The following PKHD1 variants were observed in gnomAD, a reference collection of about 807,000 sequenced individuals.
PKHD1 encodes PKHD1 ciliary IPT domain containing fibrocystin/polyductin, also known as fibrocystin.
In PKHD1, 291 loss-of-function variants were observed where a neutral mutation model predicts 412.0. The observed-to-expected ratio is 0.71, with a 90% CI of 0.64 to 0.78. PKHD1 has a LOEUF of 0.78. Ranked by LOEUF, PKHD1 falls within the 30% of genes least tolerant of loss-of-function variation. The probability of loss-of-function intolerance (pLI) is 0.00; values close to 1 mark genes in which losing one functional copy is unlikely to be tolerated. For synonymous variants in PKHD1, 1,777 were observed against 1,821.5 expected (o/e 0.98, Z 0.62); for missense variants, 4,825 against 4,950.7 (o/e 0.97, Z 0.76).
chr6:51,872,724 A>G (rs921012044), intron 46 of PKHD1, among the ~76,000 whole-genome samples: 3 of 152,112 alleles, frequency 2.0e-5, no homozygotes, highest in Middle Eastern at 3.2e-3. Context: ...AAAACTATTC[A>G]GCCTCAAGAC....
chr6:51,989,976 GAAGGA>G (rs1796830015), intron 35 of PKHD1, among the ~76,000 whole-genome samples: 1 of 144,236 alleles, frequency 6.9e-6, no homozygotes, highest in African/African-American at 2.6e-5. Context: ...AGGAAGGAAG[GAAGGA>G]AGGGAGAGAT....
At chr6:51,858,700 A>C (rs1367159599) in intron 48 of PKHD1, among the ~76,000 whole-genome samples, 1 of 152,206 alleles carries the variant, frequency 6.6e-6, no homozygotes, top group Non-Finnish European at 1.5e-5. Context: ...TTAATGATTG[A>C]CCATAAGAAA....
chr6:51,796,915 T>C (rs1288264937), intron 52 of PKHD1, among the ~76,000 whole-genome samples: 2 of 150,480 alleles, frequency 1.3e-5, no homozygotes, highest in Non-Finnish European at 2.9e-5. Context: ...TGGATTCAAA[T>C]GGATTCCCTT....
chr6:51,759,062 C>A (rs1787547008), intron 55 of PKHD1, among the ~76,000 whole-genome samples: 2 of 152,084 alleles, frequency 1.3e-5, no homozygotes, highest in African/African-American at 2.4e-5. Context: ...CTGAACTCTA[C>A]TAATATTTAG....
At chr6:52,017,666 A>G (rs762484777) in intron 33 of PKHD1, 37 bp from the exon 34 acceptor site, 2 of 1,482,794 alleles carry the variant, frequency 1.3e-6, no homozygotes, top group Non-Finnish European at 1.9e-6. Flanking sequence ...AGAACCACAG[A>G]GAGAACCTAA....
At chr6:51,899,494 T>G (rs1391364717) in intron 43 of PKHD1, among the ~76,000 whole-genome samples, 26 of 151,740 alleles carry the variant, frequency 1.7e-4, no homozygotes, top group Admixed American at 1.7e-3. Context: ...TCTCAATAAA[T>G]TAGGTATTGA....
intron 60 of PKHD1, among the ~76,000 whole-genome samples, chr6:51,730,007 T>C (rs773668989): frequency 6.6e-6 from 1 of 152,188 alleles, no homozygotes; most frequent in Non-Finnish European, 1.5e-5. Context: ...TGAGAAAACT[T>C]TGGCTTTTTG....
intron 66 of PKHD1, among the ~76,000 whole-genome samples, chr6:51,626,126 A>C (rs1177036375): frequency 1.3e-5 from 2 of 152,120 alleles, no homozygotes; most frequent in Non-Finnish European, 2.9e-5. Flanking sequence ...ACACACACAC[A>C]CCCACATAAA....
At chr6:51,643,951 T>TA (rs1168736137) in intron 63 of PKHD1, among the ~76,000 whole-genome samples, 1 of 151,636 alleles carries the variant, frequency 6.6e-6, no homozygotes, top group Non-Finnish European at 1.5e-5. Flanking sequence ...TTAGATGGGT[T>TA]AAAAAAAATA....
chr6:51,821,746 G>T (rs559651528), intron 52 of PKHD1, among the ~76,000 whole-genome samples: 33 of 152,138 alleles, frequency 2.2e-4, no homozygotes, highest in African/African-American at 2.4e-5. Flanking sequence ...ACGGAGTCTC[G>T]CTCTGTCACC....
intron 52 of PKHD1, among the ~76,000 whole-genome samples, chr6:51,798,062 G>A (rs1048486425): frequency 8.5e-5 from 13 of 152,080 alleles, no homozygotes; most frequent in African/African-American, 2.9e-4. Flanking sequence ...CAGTTATGAA[G>A]CTTAGTTTGT....
chr6:52,052,994 T>A, intron 21 of PKHD1, 82 bp downstream of exon 21: 2 of 1,313,860 alleles, frequency 1.5e-6, no homozygotes, highest in Non-Finnish European at 2.2e-6. Flanking sequence ...CTCTCCTCAT[T>A]AAAAAAAACA....
chr6:51,900,368 A>G (rs1277529224), intron 43 of PKHD1, among the ~76,000 whole-genome samples: 5 of 152,324 alleles, frequency 3.3e-5, no homozygotes, highest in East Asian at 3.9e-4. Flanking sequence ...ATAACGCTGC[A>G]TATCTACAAC....
At chr6:51,908,260 A>G (rs1782431060) in intron 40 of PKHD1, among the ~76,000 whole-genome samples, 1 of 152,024 alleles carries the variant, frequency 6.6e-6, no homozygotes, top group African/African-American at 2.4e-5. Context: ...AATGAAGGAA[A>G]ATGTTGCTTC....
intron 37 of PKHD1, among the ~76,000 whole-genome samples, chr6:51,931,889 G>A (rs1056432190): frequency 6.7e-6 from 1 of 150,002 alleles, no homozygotes; most frequent in Admixed American, 6.6e-5. Context: ...GAGGAAAAAG[G>A]GGAGAGAGAG....
intron 13 of PKHD1, 128 bp from the exon 14 acceptor site, chr6:52,062,788 C>A: frequency 9.3e-7 from 1 of 1,074,098 alleles, no homozygotes; most frequent in Non-Finnish European, 1.4e-6. Context: ...AACCTAGAGC[C>A]AGATAGAGTA....
chr6:51,970,231 T>C (rs1793466039), intron 35 of PKHD1, among the ~76,000 whole-genome samples: 1 of 152,230 alleles, frequency 6.6e-6, no homozygotes, highest in Non-Finnish European at 1.5e-5. Flanking sequence ...GCCATTTCTG[T>C]GTCTTCCTCT....
chr6:51,882,304 G>T (rs1777499769), intron 46 of PKHD1, among the ~76,000 whole-genome samples: 1 of 152,156 alleles, frequency 6.6e-6, no homozygotes, highest in South Asian at 2.1e-4. Flanking sequence ...GTTCAAAGGA[G>T]ATTTTACTAA....
At chr6:51,690,784 G>C (rs762048252) in intron 60 of PKHD1, among the ~76,000 whole-genome samples, 1 of 152,070 alleles carries the variant, frequency 6.6e-6, no homozygotes, top group African/African-American at 2.4e-5. Flanking sequence ...GACACCAAAA[G>C]CAATTGCAAC....
Sources: allele counts gnomAD v4.1 joint callset (sites outside exome capture counted in the v4.1 genomes callset), GRCh38; gene constraint gnomAD v4.1.1; transcripts MANE v1.5; gene names NCBI Gene and HGNC (gene_info 2026-07-23, HGNC 2026-07-21).